Variants in PDE1C observed in about 807,000 individuals in gnomAD.
PDE1C encodes the protein dual specificity calcium/calmodulin-dependent 3',5'-cyclic nucleotide phosphodiesterase 1C.
Under a neutral mutation model 93.1 loss-of-function variants are expected in PDE1C, and 62 were observed. The observed-to-expected ratio is 0.67, with a 90% CI of 0.54 to 0.82. The LOEUF (loss-of-function observed/expected upper bound fraction) is 0.82, where lower values mean the gene tolerates loss of function less well. Among genes scored for constraint, PDE1C ranks in the 40% least tolerant of loss-of-function variants. The pLI is 0.00. For missense variants in PDE1C, 742 were observed against 884.6 expected (o/e 0.84, Z 2.04); for synonymous variants, 325 against 310.1 (o/e 1.05, Z -0.50).
intron 2 of PDE1C, among the ~76,000 whole-genome samples, chr7:32,175,287 G>C (rs899988564): frequency 6.6e-6 from 1 of 152,134 alleles, no homozygotes; most frequent in Admixed American, 6.5e-5. Flanking sequence ...ACAATATAAT[G>C]AGTCACACAC....
intron 1 of PDE1C, among the ~76,000 whole-genome samples, chr7:32,059,238 G>T (rs1794502079): frequency 1.3e-5 from 2 of 152,166 alleles, no homozygotes; most frequent in Non-Finnish European, 2.9e-5. Context: ...TTGGGGGTGG[G>T]GATGGTGACC....
rs565922497 is a variant in PDE1C at position 32,272,176 on chromosome 7, C to G, written c.85+26475G>C. On this transcript the variant is annotated intron_variant, in intron 1 of 18. Transcript: ENST00000396193. ...ATGAAAACTAATCAGGAGGGTGAAA[C>G]TGCAATGGGGCCCGCAGTGAATAGT... Among the ~76,000 whole-genome samples, 335 of 152,334 alleles carry G rather than the reference C, an allele frequency of 2.2e-3. 1 individual carries two copies. Among genetic ancestry groups the G allele is most frequent in the African/African-American group, 7.7e-3 (322 of 41,570 alleles).
rs578120524 is a variant in PDE1C at position 32,377,085 on chromosome 7, A to G, written c.310+50737T>C. Among the ~76,000 whole-genome samples the G allele has an allele frequency of 2.0e-5, 3 of 152,172 alleles. No individual in the cohort carries two copies. In the East Asian group the frequency reaches 5.8e-4, roughly 29 times the overall value. On this transcript the variant is annotated intron_variant, in intron 1 of 1. Coordinates refer to the PDE1C transcript ENST00000672256. The stretch of plus-strand genomic sequence containing the variant: ...AATCACTGTGTTCTCTGCTGTAGCC[A>G]TTCCCTCCCTCCCTTGTTCTACTCC...
intron 11 of PDE1C, among the ~76,000 whole-genome samples, chr7:31,833,691 T>C (rs1790707526): frequency 6.6e-6 from 1 of 152,186 alleles, no homozygotes; most frequent in South Asian, 2.1e-4. Context: ...TGACTTAGGG[T>C]ATCTGGCGGA....
intron 1 of PDE1C, among the ~76,000 whole-genome samples, chr7:32,279,124 A>T (rs1436657778): frequency 6.6e-6 from 1 of 152,234 alleles, no homozygotes; most frequent in Non-Finnish European, 1.5e-5. Flanking sequence ...AATCAAATAC[A>T]CTAACATAGC....
At chr7:32,180,145 T>C (rs1400764667) in intron 2 of PDE1C, among the ~76,000 whole-genome samples, 18 of 152,222 alleles carry the variant, frequency 1.2e-4, no homozygotes. Context: ...AATAATGTTT[T>C]GAATATCTTA....
At chr7:32,387,496 G>A (rs867518983) in intron 1 of PDE1C, among the ~76,000 whole-genome samples, 2,615 of 147,844 alleles carry the variant, frequency 0.018, 53 homozygotes, top group African/African-American at 0.064. Flanking sequence ...GGCTGGCCGG[G>A]CGGGGGGCTG....
chr7:32,030,367 T>C (rs1257741142), intron 2 of PDE1C, among the ~76,000 whole-genome samples: 1 of 152,166 alleles, frequency 6.6e-6, no homozygotes, highest in African/African-American at 2.4e-5. Flanking sequence ...ATGCTTATGC[T>C]TACCTAAGAA....
At chr7:32,009,712 AACGTATGC>A (rs142344098) in intron 2 of PDE1C, among the ~76,000 whole-genome samples, 7 of 152,346 alleles carry the variant, frequency 4.6e-5, no homozygotes, top group Non-Finnish European at 7.3e-5. Flanking sequence ...AAAGAAAGAA[AACGTATGC>A]AGACTGGAAA....
intron 3 of PDE1C, among the ~76,000 whole-genome samples, chr7:32,132,806 G>A (rs556694155): frequency 4.7e-4 from 72 of 152,284 alleles, no homozygotes; most frequent in Non-Finnish European, 4.6e-4. Flanking sequence ...GGATGGCTTG[G>A]ACTAGAGTGG....
intron 1 of PDE1C, among the ~76,000 whole-genome samples, chr7:32,330,865 G>A (rs1360630270): frequency 6.6e-6 from 1 of 152,192 alleles, no homozygotes; most frequent in East Asian, 1.9e-4. Context: ...TCTGCTAAGT[G>A]AGGAGAGTTT....
Position 31,879,114 on chromosome 7 carries a change from G to T in PDE1C, c.307C>A (p.Arg103=). The T allele has an allele frequency of 1.2e-6, 2 of 1,614,052 alleles. No individual in the cohort carries two copies. Among genetic ancestry groups the T allele is most frequent in the African/African-American group, 1.3e-5 (1 of 75,018 alleles). Residue 103 remains arginine (R), a synonymous_variant, in exon 4 of 18, where the codon CGA becomes AGA. Transcript: ENST00000396191. ...GTGAAGGTGGAGGCCAGCCAGTCTC[G>T]GACCTCAGAAGGCACAGCATCTGAC... The part of the protein sequence containing the change: ...IQSDAVPSEV[R]DWLASTFTRQ...
At chr7:32,270,837 A>G (rs1488064716) in intron 1 of PDE1C, among the ~76,000 whole-genome samples, 1 of 152,124 alleles carries the variant, frequency 6.6e-6, no homozygotes, top group Non-Finnish European at 1.5e-5. Context: ...GGACATACAA[A>G]GAGGACTCTG....
intron 16 of PDE1C, among the ~76,000 whole-genome samples, chr7:31,805,670 T>A (rs773763611): frequency 2.0e-5 from 3 of 151,668 alleles, no homozygotes; most frequent in African/African-American, 7.2e-5. Flanking sequence ...TGTACTCTTA[T>A]ATTCTTCAGA....
chr7:32,384,146 G>A (rs186519854), intron 1 of PDE1C, among the ~76,000 whole-genome samples: 88 of 152,246 alleles, frequency 5.8e-4, no homozygotes, highest in African/African-American at 2.0e-3. Context: ...AGCTCACCAG[G>A]TATTTAACAA....
At chr7:31,794,497 A>T (rs890036248) in intron 16 of PDE1C, among the ~76,000 whole-genome samples, 1 of 151,962 alleles carries the variant, frequency 6.6e-6, no homozygotes, top group African/African-American at 2.4e-5. Context: ...CAAACATAAA[A>T]TATGTGAACA....
At chr7:32,057,310 G>A (rs1266238972) in intron 1 of PDE1C, among the ~76,000 whole-genome samples, 1 of 152,156 alleles carries the variant, frequency 6.6e-6, no homozygotes, top group Non-Finnish European at 1.5e-5. Flanking sequence ...TAAATTAAAA[G>A]ACCACTAGTC....
In PDE1C at chr7:31,924,798, G is replaced by A. The variant is rs562559052; in HGVS notation, c.129-43938C>T. Among the ~76,000 whole-genome samples the A allele has an allele frequency of 1.6e-3, 242 of 151,952 alleles. 1 individual carries two copies. The highest frequency in any genetic ancestry group is 3.3e-3 in the Admixed American group (50 of 15,268). ...CATTTTTCCCAGAGGGAAAACTGATGGAAAAAAAAGATGGAACTTCAATGT... is the reference window on the plus strand; with the variant it reads ...CATTTTTCCCAGAGGGAAAACTGATAGAAAAAAAAGATGGAACTTCAATGT... On this transcript the variant is annotated intron_variant, in intron 2 of 17. Transcript: ENST00000396191.
intron 16 of PDE1C, among the ~76,000 whole-genome samples, chr7:31,801,457 A>T (rs1403335861): frequency 6.6e-6 from 1 of 151,448 alleles, no homozygotes; most frequent in African/African-American, 2.4e-5. Context: ...TTCTGTATGC[A>T]CTTGAAAAAG....
Sources: allele counts gnomAD v4.1 joint callset (sites outside exome capture counted in the v4.1 genomes callset), GRCh38; gene constraint gnomAD v4.1.1; transcripts MANE v1.5; gene names NCBI Gene and HGNC (gene_info 2026-07-23, HGNC 2026-07-21).